Variants in MBTPS1 observed in about 807,000 individuals in gnomAD.
MBTPS1 encodes the protein membrane bound transcription factor peptidase, site 1.
Under a neutral mutation model 127.8 loss-of-function variants are expected in MBTPS1, and 94 were observed. The observed-to-expected ratio is 0.74, with a 90% confidence interval of 0.62 to 0.87. The LOEUF is 0.87. MBTPS1 is among the 40% of genes least tolerant of loss of function. The pLI is 0.00. For missense variants in MBTPS1, 1,636 were observed against 1,353.2 expected (o/e 1.21, Z -3.28); for synonymous variants, 632 against 509.4 (o/e 1.24, Z -3.24).
Position 84,078,784 on chromosome 16 carries a change from C to T in MBTPS1, c.1448+2963G>A, listed in dbSNP as rs188099604. Among the ~76,000 whole-genome samples, 517 of 152,298 alleles carry T rather than the reference C, an allele frequency of 3.4e-3. 14 individuals carry two copies. The highest frequency in any genetic ancestry group is 0.031 in the Admixed American group (467 of 15,306). On this transcript the variant is annotated intron_variant, in intron 11 of 22. Coordinates refer to ENST00000343411, the MANE Select transcript of MBTPS1 (RefSeq NM_003791.4). ...TAAGTGAAAAAAGCAGAATCCAAAA[C>T]AATATCCACAGCGATGCTATCCTTC...
intron 21 of MBTPS1, chr16:84,056,981 ATT>A (rs1422639405): frequency 6.6e-6 from 1 of 152,214 alleles, no homozygotes; most frequent in African/African-American, 2.4e-5. Context: ...GCAAATTAAA[ATT>A]TCTCTATTTT....
chr16:84,067,726 G>A lies in MBTPS1; in HGVS notation c.2169C>T (p.Phe723=), dbSNP rs1409346776. 1 of 1,614,092 alleles carries A rather than the reference G, an allele frequency of 6.2e-7. No homozygotes were observed. Among genetic ancestry groups the A allele is most frequent in the South Asian group, 1.1e-5 (1 of 91,088 alleles). Residue 723 remains phenylalanine (F), a synonymous_variant, in exon 16 of 23, where the codon TTC becomes TTT. Coordinates refer to ENST00000343411, the MANE Select transcript of MBTPS1 (RefSeq NM_003791.4). ...DVDNGLSLVI[F]SDWYNTSVMR... is the part of the protein sequence containing the mutation. ...TAACAGAAGTGTTGTACCAGTCACT[G>A]AAGATGACGAGCGAGAGGCCGTTGT...
chr16:84,102,360 T>A (rs554188876), intron 1 of MBTPS1, among the ~76,000 whole-genome samples: 111 of 152,278 alleles, frequency 7.3e-4, no homozygotes, highest in Non-Finnish European at 9.0e-4. Flanking sequence ...AAAAGAGATA[T>A]CCTGGTTTTA....
intron 5 of MBTPS1, among the ~76,000 whole-genome samples, 197 bp from the exon 6 acceptor site, chr16:84,093,494 G>A (rs3743636): frequency 9.2e-5 from 14 of 152,008 alleles, no homozygotes; most frequent in Admixed American, 2.6e-4. Flanking sequence ...CACGCTCTCC[G>A]GGACAGGGAG....
In MBTPS1 at chr16:84,091,736, T is replaced by G; in HGVS notation, c.959A>C (p.Asp320Ala). 1 of 1,611,822 alleles carries G rather than the reference T, an allele frequency of 6.2e-7. No individual in the cohort carries two copies. The highest frequency in any genetic ancestry group is 8.5e-7 in the Non-Finnish European group (1 of 1,178,026). Residue 320 changes from aspartate to alanine, a missense_variant, in exon 7 of 23, where the codon GAC becomes GCC. Coordinates refer to ENST00000343411, the MANE Select transcript of MBTPS1 (RefSeq NM_003791.4). ...GPDFMDHPFV[D>A]KVWELTANNV... is the part of the protein sequence containing the mutation. ...GTGTGCAGTGACTCCACAAACCTTG[T>G]CAACAAACGGATGATCCATGAAGTC...
intron 20 of MBTPS1, 77 bp from the exon 21 acceptor site, chr16:84,059,505 T>C (rs770673664): frequency 2.1e-5 from 29 of 1,386,748 alleles, no homozygotes; most frequent in Non-Finnish European, 2.7e-5. Context: ...GAGGGCCTTA[T>C]TATGAGTCTG....
chr16:84,108,558 C>A (rs760800533), intron 1 of MBTPS1, among the ~76,000 whole-genome samples: 6 of 152,232 alleles, frequency 3.9e-5, no homozygotes, highest in African/African-American at 1.4e-4. Context: ...TGAGCCACTG[C>A]GCCCAGCCCA....
At chr16:84,104,533 A>G (rs2086297896) in intron 1 of MBTPS1, among the ~76,000 whole-genome samples, 1 of 152,170 alleles carries the variant, frequency 6.6e-6, no homozygotes, top group Non-Finnish European at 1.5e-5. Context: ...AGAATCTATG[A>G]CACATGTGGG....
At chr16:84,075,816 G>GATACCACCTTCACAC (rs2151152190) in intron 11 of MBTPS1, among the ~76,000 whole-genome samples, 1 of 152,308 alleles carries the variant, frequency 6.6e-6, no homozygotes, top group Non-Finnish European at 1.5e-5. Flanking sequence ...TATCTCAACA[G>GATACCACCTTCACAC]ATACCACCTT....
chr16:84,106,297 AAAT>A (rs1035168234), intron 1 of MBTPS1, among the ~76,000 whole-genome samples: 1 of 152,106 alleles, frequency 6.6e-6, no homozygotes, highest in Non-Finnish European at 1.5e-5. Flanking sequence ...CTCCATCTCA[AAAT>A]AATAATAATA....
intron 15 of MBTPS1, 91 bp from the exon 16 acceptor site, chr16:84,067,914 A>G: frequency 7.9e-7 from 1 of 1,261,532 alleles, no homozygotes; most frequent in Non-Finnish European, 1.1e-6. Context: ...TACATGTCTC[A>G]GGTTACTGAC....
Position 84,116,823 on chromosome 16 carries a change from A to C in MBTPS1, c.-413T>G, listed in dbSNP as rs1393883948. 1 of 152,086 alleles carries C rather than the reference A, an allele frequency of 6.6e-6. No individual in the cohort carries two copies. The highest frequency in any genetic ancestry group is 6.5e-5 in the Admixed American group (1 of 15,282). 9.4% of individuals were successfully genotyped at this position (152,086 alleles called of 1,614,324 possible). On this transcript the variant is annotated 5_prime_UTR_variant, in exon 1 of 23. Transcript: ENST00000343411. ...CTGGGCACTCCATTCGGGGCTGTTT[A>C]CTCCCAACTCTCGCGAGACTGGGCG... is the stretch of plus-strand genomic sequence containing the variant.
intron 22 of MBTPS1, among the ~76,000 whole-genome samples, chr16:84,054,912 T>C (rs3785009): frequency 0.37 from 55,982 of 151,964 alleles, 10,435 homozygotes; most frequent in Admixed American, 0.44. Context: ...CGCAGACGGA[T>C]GATCAGGCCC....
At chr16:84,105,464 G>C (rs572793072) in intron 1 of MBTPS1, among the ~76,000 whole-genome samples, 1 of 152,156 alleles carries the variant, frequency 6.6e-6, no homozygotes, top group South Asian at 2.1e-4. Flanking sequence ...GCTGTGAAGA[G>C]GCGGCTTCTG....
At chr16:84,109,046 G>A (rs780758201) in intron 1 of MBTPS1, among the ~76,000 whole-genome samples, 1 of 152,228 alleles carries the variant, frequency 6.6e-6, no homozygotes, top group African/African-American at 2.4e-5. Flanking sequence ...AAAAGGGTGT[G>A]GCAGCAGTGA....
intron 3 of MBTPS1, among the ~76,000 whole-genome samples, chr16:84,097,816 T>A (rs770009394): frequency 6.6e-6 from 1 of 150,616 alleles, no homozygotes; most frequent in Non-Finnish European, 1.5e-5. Context: ...CTGGTTTTAC[T>A]ATGAAAATTA....
At chr16:84,086,065 A>G (rs944284564) in intron 9 of MBTPS1, 10 of 152,240 alleles carry the variant, frequency 6.6e-5, no homozygotes, top group Admixed American at 6.5e-4. Flanking sequence ...ATATTCTGTC[A>G]GAAAACAGGA....
At chr16:84,080,182 G>T (rs951969587) in intron 11 of MBTPS1, among the ~76,000 whole-genome samples, 1 of 152,110 alleles carries the variant, frequency 6.6e-6, no homozygotes, top group Non-Finnish European at 1.5e-5. Context: ...AATCCACAGA[G>T]TAAAATAAAT....
chr16:84,107,217 G>T (rs1006429672), intron 1 of MBTPS1, among the ~76,000 whole-genome samples: 23 of 152,220 alleles, frequency 1.5e-4, no homozygotes, highest in African/African-American at 4.6e-4. Flanking sequence ...GAGACCACTA[G>T]CTTAGTAACT....
Sources: gnomAD v4.1 joint callset for allele counts (sites outside exome capture counted in the v4.1 genomes callset) on GRCh38, gnomAD v4.1.1 for gene constraint, MANE v1.5 for transcripts, NCBI Gene and HGNC (gene_info 2026-07-23, HGNC 2026-07-21) for gene names.